RANBP2: variants seen among roughly 807,000 people sequenced by gnomAD.
RANBP2 encodes E3 SUMO-protein ligase RanBP2.
RANBP2 carries 57 observed loss-of-function variants against 303.6 expected under a neutral mutation model. The ratio of observed to expected loss-of-function variants is 0.19; its 90% CI spans 0.15 to 0.23. The LOEUF (loss-of-function observed/expected upper bound fraction) is 0.23, where lower values mean the gene tolerates loss of function less well. RANBP2 is among the 10% of genes least tolerant of loss of function. The probability of loss-of-function intolerance (pLI) is 1.00; values close to 1 mark genes in which losing one functional copy is unlikely to be tolerated. For synonymous variants in RANBP2, 1,167 were observed against 1,301.5 expected (o/e 0.90, Z 2.23); for missense variants, 3,138 against 3,780.8 (o/e 0.83, Z 4.46).
the RANBP2 span, among the ~76,000 whole-genome samples, chr2:109,742,512 T>TA: frequency 2.7e-5 from 4 of 148,672 alleles, no homozygotes; most frequent in Admixed American, 6.7e-5. Flanking sequence ...AAAACTCTGA[T>TA]AAAAAAATAA....
the RANBP2 span, chr2:108,923,452 A>G: frequency 1.9e-6 from 3 of 1,614,092 alleles, no homozygotes; most frequent in Admixed American, 1.7e-5. Context: ...AGCATGTAGT[A>G]GCTACGGGGG....
chr2:108,736,594 A>G (rs577223072), intron 6 of RANBP2, among the ~76,000 whole-genome samples: 2 of 152,330 alleles, frequency 1.3e-5, no homozygotes, highest in East Asian at 3.9e-4. Context: ...TTGAGTGAAA[A>G]TTAAAGTTCA....
chr2:109,040,979 C>T, the RANBP2 span, among the ~76,000 whole-genome samples: 1 of 152,094 alleles, frequency 6.6e-6, no homozygotes, highest in African/African-American at 2.4e-5. Flanking sequence ...TGGCGTGGAC[C>T]CAGGAGGCGG....
the RANBP2 span, among the ~76,000 whole-genome samples, chr2:108,867,604 C>T: frequency 2.0e-5 from 3 of 151,990 alleles, no homozygotes; most frequent in Non-Finnish European, 4.4e-5. Flanking sequence ...TCACACCATT[C>T]CTCCTTCCAA....
rs1382581822 is a variant in RANBP2 at position 108,763,389 on chromosome 2, A to G, written c.2850A>G (p.Ala950=). 6.2e-7 allele frequency: 1 copy of G among 1,613,996 alleles called. No individual in the cohort carries two copies. The highest frequency in any genetic ancestry group is 8.5e-7 in the Non-Finnish European group (1 of 1,179,970). Residue 950 remains alanine (A), a synonymous_variant, in exon 20 of 29, where the codon GCA becomes GCG. Coordinates refer to ENST00000283195, the MANE Select transcript of RANBP2 (RefSeq NM_006267.5). The part of the protein sequence containing the change: ...GPPALRFESP[A]TGILSPRGDD... Reference sequence around the variant, plus strand: ...CTGCATTGCGTTTTGAGTCTCCTGCAACGGGAATTCTATCGCCCAGGGGTG... The same window carrying G: ...CTGCATTGCGTTTTGAGTCTCCTGCGACGGGAATTCTATCGCCCAGGGGTG...
At chr2:109,417,289 C>A in the RANBP2 span, among the ~76,000 whole-genome samples, 13,257 of 152,206 alleles carry the variant, frequency 0.087, 629 homozygotes, top group African/African-American at 0.12. Context: ...CCCACCTACA[C>A]CTCCATGGAT....
the RANBP2 span, among the ~76,000 whole-genome samples, chr2:109,420,851 C>T: frequency 2.0e-5 from 3 of 152,328 alleles, no homozygotes; most frequent in South Asian, 6.2e-4. Context: ...CACCTCTAAG[C>T]CCAGTGGAAA....
At chr2:109,615,057 A>G in the RANBP2 span, 6 of 1,549,050 alleles carry the variant, frequency 3.9e-6, no homozygotes, top group Admixed American at 9.8e-5. Context: ...GGACAGGGGC[A>G]GCTCCCTTGT....
At chr2:109,650,168 A>G in the RANBP2 span, among the ~76,000 whole-genome samples, 2 of 152,234 alleles carry the variant, frequency 1.3e-5, no homozygotes, top group African/African-American at 4.8e-5. Context: ...GCTCATCATC[A>G]TACGTTCTGG....
chr2:109,014,962 A>C, the RANBP2 span, among the ~76,000 whole-genome samples: 117 of 152,122 alleles, frequency 7.7e-4, 2 homozygotes, highest in Non-Finnish European at 3.8e-4. Flanking sequence ...TCTACTAAAA[A>C]TACAAAAATT....
chr2:109,236,346 G>A, the RANBP2 span, among the ~76,000 whole-genome samples: 1 of 152,140 alleles, frequency 6.6e-6, no homozygotes, highest in African/African-American at 2.4e-5. Flanking sequence ...TGCCTCCAGA[G>A]TGTGCGAGCA....
At chr2:108,805,788 T>G in the RANBP2 span, among the ~76,000 whole-genome samples, 1 of 152,150 alleles carries the variant, frequency 6.6e-6, no homozygotes, top group Non-Finnish European at 1.5e-5. Flanking sequence ...ATAAATAGTT[T>G]TGTGAGTTAT....
At chr2:109,424,881 T>C in the RANBP2 span, among the ~76,000 whole-genome samples, 1 of 152,172 alleles carries the variant, frequency 6.6e-6, no homozygotes, top group Non-Finnish European at 1.5e-5. Flanking sequence ...GAGTCGAACA[T>C]CTCTCACTTT....
the RANBP2 span, chr2:109,794,580 C>CGGGGGGGGGA: frequency 1.1e-6 from 1 of 899,516 alleles, no homozygotes; most frequent in Non-Finnish European, 1.3e-6. Context: ...TCGACCCGGC[C>CGGGGGGGGGA]GGGGGGCGGC....
the RANBP2 span, among the ~76,000 whole-genome samples, chr2:108,813,162 T>C: frequency 4.2e-5 from 6 of 144,564 alleles, no homozygotes; most frequent in African/African-American, 1.3e-4. Context: ...GGCAGGAGAA[T>C]TGCTGGAACC....
the RANBP2 span, among the ~76,000 whole-genome samples, chr2:109,742,437 A>AAAACAAAC: frequency 7.4e-4 from 108 of 144,984 alleles, 7 homozygotes; most frequent in East Asian, 5.1e-3. Context: ...AACAAAAACA[A>AAAACAAAC]AAACAAACAA....
chr2:108,842,638 G>C, the RANBP2 span, among the ~76,000 whole-genome samples: 1 of 152,146 alleles, frequency 6.6e-6, no homozygotes. Flanking sequence ...GCTTCATCTA[G>C]CTATTCCATA....
the RANBP2 span, among the ~76,000 whole-genome samples, chr2:109,485,553 C>CA: frequency 7.9e-5 from 12 of 152,102 alleles, no homozygotes; most frequent in African/African-American, 2.7e-4. Flanking sequence ...TTAATCATAA[C>CA]AAAAAAATCT....
the RANBP2 span, among the ~76,000 whole-genome samples, chr2:109,204,073 C>T: frequency 3.3e-5 from 5 of 152,186 alleles, no homozygotes; most frequent in South Asian, 1.0e-3. Flanking sequence ...GGATTTGCAC[C>T]TCCTGCCCAC....
Sources: allele counts gnomAD v4.1 joint callset (sites outside exome capture counted in the v4.1 genomes callset), GRCh38; gene constraint gnomAD v4.1.1; transcripts MANE v1.5; gene names NCBI Gene and HGNC (gene_info 2026-07-23, HGNC 2026-07-21).